NELL1: variants seen among roughly 807,000 people sequenced by gnomAD.
NELL1 encodes protein kinase C-binding protein NELL1.
NELL1 carries 76 observed loss-of-function variants against 107.4 expected under a neutral mutation model. The ratio of observed to expected loss-of-function variants is 0.71; its 90% CI spans 0.59 to 0.86. The LOEUF (loss-of-function observed/expected upper bound fraction) is 0.86, where lower values mean the gene tolerates loss of function less well. Ranked by LOEUF, NELL1 falls within the 40% of genes least tolerant of loss-of-function variation. NELL1 has a pLI of 0.00. For synonymous variants in NELL1, 353 were observed against 341.2 expected, an observed-to-expected ratio of 1.03 and a Z score of -0.38; for missense variants, 1,024 against 1,005.5, an observed-to-expected ratio of 1.02 and a Z score of -0.25.
chr11:21,131,686 C>T (rs1855622360), intron 13 of NELL1, among the ~76,000 whole-genome samples: 4 of 152,100 alleles, frequency 2.6e-5, no homozygotes, highest in African/African-American at 9.7e-5. Flanking sequence ...TGGAGCATTG[C>T]AATTTTGTTT....
chr11:21,527,815 G>A (rs772485323), intron 15 of NELL1, among the ~76,000 whole-genome samples: 1 of 152,176 alleles, frequency 6.6e-6, no homozygotes, highest in Non-Finnish European at 1.5e-5. Context: ...CAGCACAGGA[G>A]AAAGATGGAG....
At chr11:21,041,399 T>C (rs972603307) in intron 12 of NELL1, among the ~76,000 whole-genome samples, 12 of 152,228 alleles carry the variant, frequency 7.9e-5, no homozygotes, top group African/African-American at 2.7e-4. Context: ...ATTTTTAGGC[T>C]ACTTTTTTAT....
intron 16 of NELL1, among the ~76,000 whole-genome samples, chr11:21,548,340 T>A (rs1856492776): frequency 6.6e-6 from 1 of 151,960 alleles, no homozygotes; most frequent in Admixed American, 6.6e-5. Context: ...TGTATTAGTT[T>A]GTTTTCACAC....
chr11:20,956,218 C>G (rs1851167891), intron 11 of NELL1, among the ~76,000 whole-genome samples: 1 of 151,156 alleles, frequency 6.6e-6, no homozygotes, highest in Admixed American at 6.6e-5. Context: ...GACTTCGTCT[C>G]AAAACAAAAC....
In NELL1 at chr11:20,770,178, C is replaced by T. The variant is rs1432441482; in HGVS notation, c.185-13502C>T. Among the ~76,000 whole-genome samples the T allele has an allele frequency of 2.0e-5, 3 of 152,124 alleles. No individual in the cohort carries two copies. In the East Asian group the frequency reaches 5.8e-4, roughly 29 times the overall value. ...CATTTTAGCCCTCAGTTATGGCTCTCATTTGGAAGGGTTTGAGGTGGGAAA... is the reference window on the plus strand; with the variant it reads ...CATTTTAGCCCTCAGTTATGGCTCTTATTTGGAAGGGTTTGAGGTGGGAAA... On this transcript the variant is annotated intron_variant, in intron 2 of 19. Transcript: ENST00000357134.
intron 16 of NELL1, among the ~76,000 whole-genome samples, chr11:21,550,773 G>A (rs548389455): frequency 0.017 from 2,646 of 152,096 alleles, 61 homozygotes; most frequent in African/African-American, 0.055. Context: ...GTCAGGTAGC[G>A]TGATGCCTCC....
chr11:21,032,839 T>A (rs1435692195), intron 12 of NELL1, among the ~76,000 whole-genome samples: 1 of 152,228 alleles, frequency 6.6e-6, no homozygotes, highest in African/African-American at 2.4e-5. Context: ...CCATGTAGGC[T>A]TTGCTCATCA....
Position 21,239,638 on chromosome 11 carries a change from C to A in NELL1, c.1549+10184C>A, listed in dbSNP as rs911768505. Among the ~76,000 whole-genome samples, 6 of 151,974 alleles carry A rather than the reference C, an allele frequency of 3.9e-5. No homozygotes were observed. In the East Asian group the frequency reaches 1.2e-3, roughly 29 times the overall value. On this transcript the variant is annotated intron_variant, in intron 14 of 19. Transcript: ENST00000357134. The stretch of plus-strand genomic sequence containing the variant: ...TTTGTTCCAGAAAAATGGAATAGTA[C>A]CCTACCACTGCTTGTTGGAGGTATG...
At chr11:20,682,522 G>A (rs770247996) in intron 2 of NELL1, among the ~76,000 whole-genome samples, 28 of 151,980 alleles carry the variant, frequency 1.8e-4, no homozygotes, top group East Asian at 3.9e-4. Flanking sequence ...AGTTAAAAAC[G>A]TAGATTCATC....
intron 16 of NELL1, among the ~76,000 whole-genome samples, chr11:21,539,502 G>A (rs989522362): frequency 3.3e-5 from 5 of 151,852 alleles, no homozygotes; most frequent in Non-Finnish European, 7.4e-5. Context: ...TGGTGGAGGT[G>A]GCTCTCAGTG....
Position 20,918,243 on chromosome 11 carries a change from A to G in NELL1, c.665A>G (p.Asn222Ser), listed in dbSNP as rs762161912. Reference protein sequence around the residue: ...MPNGYITQCPNLNHTCPTCSD... With the variant: ...MPNGYITQCPSLNHTCPTCSD... ...AATGGATATATAACACAGTGTCCAA[A>G]TCTAAATCACAGTAAGTAGCAACTT... The change falls in exon 6 of 20, where the codon AAT (asparagine) becomes AGT (serine). Residue 222 changes from asparagine (N) to serine (S), a missense_variant. Coordinates refer to ENST00000357134, the MANE Select transcript of NELL1 (RefSeq NM_006157.5). The G allele has an allele frequency of 3.8e-6, 6 of 1,575,410 alleles. No individual in the cohort carries two copies. Among genetic ancestry groups the G allele is most frequent in the Admixed American group, 1.7e-5 (1 of 59,732 alleles).
Position 21,422,095 on chromosome 11 carries a change from ATGTGTGTG to A in NELL1, c.1645+51169_1645+51176del, listed in dbSNP as rs58034116. Reference sequence around the variant, plus strand: ...GGAGGAAATTAAGACATTTACACATATGTGTGTGTGTGTGTGTGTGTGTGTGTGTACAC... The same window carrying A: ...GGAGGAAATTAAGACATTTACACATATGTGTGTGTGTGTGTGTGTGTACAC... On this transcript the variant is annotated intron_variant, in intron 15 of 19. Transcript: ENST00000357134. Among the ~76,000 whole-genome samples the A allele has an allele frequency of 5.7e-3, 672 of 118,444 alleles. 17 individuals are homozygous for A. In the East Asian group the frequency reaches 0.07, roughly 12 times the overall value. 77.7% of individuals were successfully genotyped at this position (118,444 alleles called of 152,430 possible).
intron 12 of NELL1, among the ~76,000 whole-genome samples, chr11:21,109,332 T>C (rs1590645034): frequency 1.3e-5 from 2 of 152,274 alleles, no homozygotes; most frequent in African/African-American, 4.8e-5. Context: ...AAAAATGTGC[T>C]TTTAAAATAG....
chr11:21,479,756 A>T (rs1854442303), intron 15 of NELL1, among the ~76,000 whole-genome samples: 1 of 152,158 alleles, frequency 6.6e-6, no homozygotes, highest in South Asian at 2.1e-4. Context: ...TCCTGTTGTG[A>T]TTATTACACA....
chr11:21,038,425 A>G (rs1249338748), intron 12 of NELL1, among the ~76,000 whole-genome samples: 1 of 152,232 alleles, frequency 6.6e-6, no homozygotes, highest in Non-Finnish European at 1.5e-5. Context: ...AGATGCTAAC[A>G]CAAGAAAAAC....
intron 13 of NELL1, among the ~76,000 whole-genome samples, chr11:21,161,776 A>G (rs2133800905): frequency 6.6e-6 from 1 of 152,064 alleles, no homozygotes; most frequent in Admixed American, 6.6e-5. Context: ...GAGATATTAT[A>G]TAATTTTTTC....
chr11:20,745,372 G>A (rs961804376), intron 2 of NELL1, among the ~76,000 whole-genome samples: 14 of 152,132 alleles, frequency 9.2e-5, no homozygotes, highest in Admixed American at 8.5e-4. Context: ...TAATTATGGA[G>A]CTTATTAACA....
chr11:21,119,142 T>C (rs1855303012), intron 13 of NELL1, among the ~76,000 whole-genome samples: 2 of 152,050 alleles, frequency 1.3e-5, no homozygotes, highest in African/African-American at 4.8e-5. Flanking sequence ...AATCAATCCC[T>C]CTTTGAAATC....
intron 13 of NELL1, among the ~76,000 whole-genome samples, chr11:21,175,829 T>C (rs1390038762): frequency 6.6e-6 from 1 of 151,898 alleles, no homozygotes; most frequent in Non-Finnish European, 1.5e-5. Context: ...AGTGCTGTCA[T>C]AGTCAATGAA....
Sources: allele counts gnomAD v4.1 joint callset (sites outside exome capture counted in the v4.1 genomes callset), GRCh38; gene constraint gnomAD v4.1.1; transcripts MANE v1.5; gene names NCBI Gene and HGNC (gene_info 2026-07-23, HGNC 2026-07-21).